SYNE1: variants seen among roughly 807,000 people sequenced by gnomAD.
The protein encoded by SYNE1 is spectrin repeat containing nuclear envelope protein 1.
Under a neutral mutation model 1,111.0 loss-of-function variants are expected in SYNE1, and 616 were observed. That is an observed-to-expected ratio of 0.55 (90% CI 0.52 to 0.59). The LOEUF (loss-of-function observed/expected upper bound fraction) is 0.59. Ranked by LOEUF, SYNE1 falls within the 20% of genes least tolerant of loss-of-function variation. SYNE1 has a pLI of 0.00. For missense variants in SYNE1, 10,006 were observed against 10,417.0 expected, an observed-to-expected ratio of 0.96 and a Z score of 1.72; for synonymous variants, 3,855 against 3,825.8, an observed-to-expected ratio of 1.01 and a Z score of -0.28.
rs1466908334 is a variant in SYNE1, at chr6:152,455,577, T to A, written c.2741A>T (p.Lys914Ile). Reference protein sequence around the residue: ...IHVAFQSMVKKTGDWKKHVET... With the variant: ...IHVAFQSMVKITGDWKKHVET... ...CACATGCTTCTTCCAATCTCCAGTTTTCTTTACCATACTCTTGATGTGAAA... is the reference window on the plus strand; with the variant it reads ...CACATGCTTCTTCCAATCTCCAGTTATCTTTACCATACTCTTGATGTGAAA... The change falls in exon 24 of 146, where the codon AAA becomes ATA. Residue 914 changes from lysine to isoleucine, a missense_variant. By Grantham distance (102) the Lys-to-Ile change is moderately radical. Transcript: ENST00000367255. 2.5e-6 allele frequency: 4 copies of A among 1,614,214 alleles called. No individual in the cohort carries two copies. The highest frequency in any genetic ancestry group is 3.4e-6 in the Non-Finnish European group (4 of 1,180,022).
chr6:152,284,057 A>G lies in SYNE1; in HGVS notation c.18128T>C (p.Leu6043Ser), dbSNP rs761193865. The G allele has an allele frequency of 1.2e-6, 2 of 1,614,222 alleles. No individual in the cohort carries two copies. Among genetic ancestry groups the G allele is most frequent in the Non-Finnish European group, 1.7e-6 (2 of 1,180,036 alleles). Residue 6043 changes from leucine (L) to serine (S), a missense_variant, in exon 96 of 146, where the codon TTG becomes TCG. Around this residue, in one of 7 missense-constraint regions of SYNE1, gnomAD observed 4,955 missense variants for 5,017.2 expected, o/e 0.99. Transcript: ENST00000367255. The part of the protein sequence containing the change: ...CEADPAEQLA[L>S]QSTLTVLAER... ...GGCTAAGACAGTGAGCGTGGACTGC[A>G]AGGCCAGCTGCTCCGCAGGGTCGGC...
Position 152,189,381 on chromosome 6 carries a change from C to G in SYNE1, c.23172G>C (p.Trp7724Cys). The stretch of plus-strand genomic sequence containing the variant: ...GGCTCAACTGGGTCAAGTCATCTGT[C>G]CAGCTCCCAACTGCATTTTCTAATT... ...CKELENAVGS[W>C]TDDLTQLSLL... Residue 7724 changes from tryptophan (W) to cysteine (C), a missense_variant, in exon 128 of 146, where the codon TGG (tryptophan) becomes TGC (cysteine). Trp to Cys is a radical substitution (Grantham distance 215, BLOSUM62 -2). This residue lies in a region of SYNE1 where 2,182 missense variants were observed against 2,287.8 expected (regional missense o/e 0.95). Transcript: ENST00000367255. 1 of 1,614,060 alleles carries G rather than the reference C, an allele frequency of 6.2e-7. No individual in the cohort carries two copies. The highest frequency in any genetic ancestry group is 1.1e-5 in the South Asian group (1 of 91,078).
chr6:152,440,682 C>T (rs952198084), intron 32 of SYNE1, among the ~76,000 whole-genome samples: 2 of 149,980 alleles, frequency 1.3e-5, no homozygotes, highest in Non-Finnish European at 2.9e-5. Context: ...ATTCTCCTGC[C>T]TCAGCCTCCC....
At chr6:152,571,391 A>G (rs984799418) in intron 3 of SYNE1, among the ~76,000 whole-genome samples, 4 of 152,148 alleles carry the variant, frequency 2.6e-5, no homozygotes, top group African/African-American at 9.7e-5. Flanking sequence ...ATGTGCAGAA[A>G]CAAACAAACA....
intron 86 of SYNE1, among the ~76,000 whole-genome samples, chr6:152,317,848 A>C (rs1293110465): frequency 2.6e-5 from 4 of 152,230 alleles, no homozygotes; most frequent in African/African-American, 7.2e-5. Flanking sequence ...TCCAAAGTCC[A>C]TTTGTAGGAC....
chr6:152,165,222 C>T (rs771682137), intron 130 of SYNE1, among the ~76,000 whole-genome samples: 1 of 152,166 alleles, frequency 6.6e-6, no homozygotes, highest in Non-Finnish European at 1.5e-5. Flanking sequence ...TTTCTCTGAT[C>T]AAGACACACT....
chr6:152,628,883 C>T (rs1228376485), intron 2 of SYNE1, among the ~76,000 whole-genome samples: 1 of 152,126 alleles, frequency 6.6e-6, no homozygotes, highest in African/African-American at 2.4e-5. Context: ...ACTAAAAACA[C>T]TCAATTCTAG....
Position 152,444,407 on chromosome 6 carries a change from T to G in SYNE1, c.3837+4A>C. On this transcript the variant is annotated splice_donor_region_variant and intron_variant, in intron 30 of 145. Transcript: ENST00000367255. ...ATCTTGTTGGAAGAAAGAGGCATTTTTACCTGGTGATGAAGAAGTAACTGC... is the reference window on the plus strand; with the variant it reads ...ATCTTGTTGGAAGAAAGAGGCATTTGTACCTGGTGATGAAGAAGTAACTGC... The G allele has an allele frequency of 2.5e-6, 4 of 1,613,652 alleles. No individual in the cohort carries two copies. Among genetic ancestry groups the G allele is most frequent in the Non-Finnish European group, 3.4e-6 (4 of 1,179,848 alleles).
chr6:152,447,871 A>G (rs570826716), intron 28 of SYNE1, among the ~76,000 whole-genome samples: 6 of 152,354 alleles, frequency 3.9e-5, no homozygotes, highest in African/African-American at 1.4e-4. Flanking sequence ...ACTTATAGAT[A>G]TGTCCTTGAT....
chr6:152,592,839 A>G (rs80324855), intron 3 of SYNE1, among the ~76,000 whole-genome samples: 3,318 of 152,246 alleles, frequency 0.022, 127 homozygotes, highest in African/African-American at 0.076. Flanking sequence ...TTATATAATC[A>G]TCTGTGTATT....
At chr6:152,540,123 GTT>G in intron 3 of SYNE1, 102 bp from the exon 4 acceptor site, 1 of 1,185,610 alleles carries the variant, frequency 8.4e-7, no homozygotes, top group Non-Finnish European at 1.2e-6. Flanking sequence ...TCGTGAAATC[GTT>G]TTCTCATTCA....
At chr6:152,353,168 G>A in intron 69 of SYNE1, 95 bp downstream of exon 69, 1 of 1,479,752 alleles carries the variant, frequency 6.8e-7, no homozygotes, top group Non-Finnish European at 9.4e-7. Context: ...CATAATGGTT[G>A]GGATGATCAC....
In SYNE1 at chr6:152,387,184, C is replaced by T. The variant is rs139175290; in HGVS notation, c.8375G>A (p.Arg2792His). 1.2e-4 allele frequency: 199 copies of T among 1,614,046 alleles called. No homozygotes were observed. Among genetic ancestry groups the T allele is most frequent in the Admixed American group, 3.5e-4 (21 of 59,992 alleles). ...EAEDHTRALHRLIAKSRELYE... is the reference protein window; with the variant it reads ...EAEDHTRALHHLIAKSRELYE... ...GAGCTCCCTGGACTTCGCAATTAGA[C>T]GGTGAAGGGCTCTCGTGTGATCTTC... Residue 2792 changes from arginine (R) to histidine (H), a missense_variant, in exon 54 of 146, where the codon CGT becomes CAT. Arg to His is a conservative substitution (Grantham distance 29, BLOSUM62 0). Around this residue, in one of 7 missense-constraint regions of SYNE1, gnomAD observed 4,955 missense variants for 5,017.2 expected, o/e 0.99. Transcript: ENST00000367255.
intron 100 of SYNE1, among the ~76,000 whole-genome samples, chr6:152,267,097 T>A (rs571979341): frequency 2.9e-4 from 44 of 152,304 alleles, no homozygotes; most frequent in Non-Finnish European, 1.3e-4. Flanking sequence ...TCAACTTTTT[T>A]ATAGTAGTGA....
intron 81 of SYNE1, 116 bp downstream of exon 81, chr6:152,324,968 A>C: frequency 8.1e-7 from 1 of 1,237,402 alleles, no homozygotes; most frequent in Non-Finnish European, 1.2e-6. Context: ...AACAGATTTT[A>C]AAAAGCCTTT....
chr6:152,513,605 A>G (rs993695639), intron 6 of SYNE1, among the ~76,000 whole-genome samples: 3 of 152,176 alleles, frequency 2.0e-5, no homozygotes, highest in Non-Finnish European at 4.4e-5. Flanking sequence ...AAGTGCTGGT[A>G]TTACAGGAGT....
In SYNE1 at chr6:152,353,268, A is replaced by G. The variant is rs1241713293; in HGVS notation, c.11248T>C (p.Leu3750=). 1.9e-6 allele frequency: 3 copies of G among 1,614,052 alleles called. No individual in the cohort carries two copies. Among genetic ancestry groups the G allele is most frequent in the East Asian group, 4.5e-5 (2 of 44,890 alleles). ...TCTGAAGTATGCGTGCCTACCTCCA[A>G]CGTCTTCAATTTCTTCCCCATCATT... ...TVMMGKKLKT[L]EVLLKDMEKG... The change falls in exon 69 of 146, where the codon TTG becomes CTG. Residue 3750 remains leucine, a synonymous_variant. Transcript: ENST00000367255.
chr6:152,616,258 C>G (rs1035464656), intron 3 of SYNE1, among the ~76,000 whole-genome samples: 9 of 152,022 alleles, frequency 5.9e-5, no homozygotes, highest in African/African-American at 1.9e-4. Context: ...AAGCCGTAGA[C>G]AGGTTGCCTG....
chr6:152,604,990 AAGAAAGAAAGAAAGAAAGAG>A lies in SYNE1; in HGVS notation c.67+23255_67+23274del, dbSNP rs1451802024. Among the ~76,000 whole-genome samples the A allele has an allele frequency of 6.6e-3, 180 of 27,188 alleles. 4 individuals are homozygous for A. Among genetic ancestry groups the A allele is most frequent in the Admixed American group, 0.023 (49 of 2,120 alleles). 17.8% of individuals were successfully genotyped at this position (27,188 alleles called of 152,430 possible). ...AAAGAAAGAAAGAAAGAAAGAAAGA[AAGAAAGAAAGAAAGAAAGAG>A]AGAGAGAGAGAGAGAGAGAGAGAGA... On this transcript the variant is annotated intron_variant, in intron 3 of 145. Transcript: ENST00000367255.
Sources: allele counts gnomAD v4.1 joint callset (sites outside exome capture counted in the v4.1 genomes callset), GRCh38; gene constraint gnomAD v4.1.1; regional missense constraint gnomAD v4.1.1; transcripts MANE v1.5; gene names NCBI Gene and HGNC (gene_info 2026-07-23, HGNC 2026-07-21).